Variants in SATL1 observed in about 807,000 individuals in gnomAD.
SATL1 encodes the protein spermidine/spermine N(1)-acetyltransferase-like protein 1.
In SATL1, 47 loss-of-function variants were observed where a neutral mutation model predicts 51.8. The observed-to-expected ratio is 0.91, with a 90% CI of 0.72 to 1.16. SATL1 has a LOEUF of 1.16. SATL1 is among the 50% of genes most tolerant of loss of function. SATL1 has a pLI of 0.00. For missense variants in SATL1, 520 were observed against 526.4 expected (o/e 0.99, Z 0.12); for synonymous variants, 176 against 182.4 (o/e 0.97, Z 0.28).
intron 2 of SATL1, among the ~76,000 whole-genome samples, chrX:85,109,806 C>T (rs750823638): frequency 8.1e-5 from 9 of 110,708 alleles, no homozygotes; most frequent in Admixed American, 7.7e-4. Context: ...GTCAGGAGTT[C>T]GAGACCAGCC....
chrX:85,164,850 G>A (rs948894779), intron 2 of SATL1, among the ~76,000 whole-genome samples: 4 of 108,383 alleles, frequency 3.7e-5, no homozygotes, highest in Non-Finnish European at 7.7e-5. Flanking sequence ...TCAGCCTCCC[G>A]AGTAGCTGGG....
intron 2 of SATL1, among the ~76,000 whole-genome samples, chrX:85,192,712 T>C (rs1025980752): frequency 4.5e-5 from 5 of 111,618 alleles, no homozygotes; most frequent in African/African-American, 1.6e-4. Context: ...ATTATAAAAA[T>C]ATGTCAATCC....
intron 2 of SATL1, among the ~76,000 whole-genome samples, chrX:85,167,102 G>A (rs1926857973): frequency 9.2e-6 from 1 of 108,580 alleles, no homozygotes; most frequent in Admixed American, 1.0e-4. Context: ...CAGCTACCTG[G>A]GTGGAGTTGG....
At chrX:85,152,891 A>G (rs1926491706) in intron 2 of SATL1, among the ~76,000 whole-genome samples, 1 of 110,592 alleles carries the variant, frequency 9.0e-6, no homozygotes, top group Non-Finnish European at 1.9e-5. Flanking sequence ...TGGGTGCAGC[A>G]CACCAGCATG....
At chrX:85,132,401 A>T (rs779216602) in intron 2 of SATL1, among the ~76,000 whole-genome samples, 1 of 110,065 alleles carries the variant, frequency 9.1e-6, no homozygotes, top group African/African-American at 3.3e-5. Context: ...CATTAATTTG[A>T]TCTTCAATCA....
intron 2 of SATL1, among the ~76,000 whole-genome samples, chrX:85,204,646 T>C (rs1191923460): frequency 9.0e-6 from 1 of 111,503 alleles, no homozygotes; most frequent in East Asian, 2.9e-4. Flanking sequence ...ATTGTTGGAG[T>C]AATCCTAGAG....
In SATL1 at chrX:85,119,871, A is replaced by G. The variant is rs139900284; in HGVS notation, c.-312-10591T>C. Among the ~76,000 whole-genome samples, 721 of 111,837 alleles carry G rather than the reference A, an allele frequency of 6.4e-3. 9 individuals are homozygous for G. The highest frequency in any genetic ancestry group is 0.023 in the African/African-American group (696 of 30,867). ...ATACTTAAAATATCTAGGTATTTTTATTTTAATAACCAAGAATAAAATGAA... is the reference window on the plus strand; with the variant it reads ...ATACTTAAAATATCTAGGTATTTTTGTTTTAATAACCAAGAATAAAATGAA... On this transcript the variant is annotated intron_variant, in intron 2 of 7. Coordinates refer to ENST00000644105, the MANE Select transcript of SATL1 (RefSeq NM_001367857.2).
At chrX:85,136,139 T>G (rs1208909583) in intron 2 of SATL1, among the ~76,000 whole-genome samples, 1 of 109,513 alleles carries the variant, frequency 9.1e-6, no homozygotes, top group African/African-American at 3.3e-5. Flanking sequence ...CATGAATAGT[T>G]GAGAGTGCAA....
intron 2 of SATL1, among the ~76,000 whole-genome samples, chrX:85,193,510 C>A (rs1333450575): frequency 1.8e-5 from 2 of 111,592 alleles, no homozygotes; most frequent in African/African-American, 6.5e-5. Context: ...ACAGTCCAGT[C>A]AAATACTTTT....
At chrX:85,099,586 G>A (rs1263246431) in intron 4 of SATL1, among the ~76,000 whole-genome samples, 1 of 111,387 alleles carries the variant, frequency 9.0e-6, no homozygotes, top group African/African-American at 3.3e-5. Context: ...ACGTAAGGGT[G>A]CACCAACATA....
intron 2 of SATL1, among the ~76,000 whole-genome samples, chrX:85,161,291 T>A (rs1926713421): frequency 9.1e-6 from 1 of 110,007 alleles, no homozygotes; most frequent in South Asian, 3.9e-4. Flanking sequence ...GATGACAGGA[T>A]CAAATCCACA....
intron 4 of SATL1, among the ~76,000 whole-genome samples, chrX:85,101,988 G>A: frequency 9.1e-6 from 1 of 110,083 alleles, no homozygotes; most frequent in African/African-American, 3.3e-5. Context: ...GAGATAGAAA[G>A]TAGAATAGTA....
chrX:85,243,176 TAA>T (rs1476374684), intron 1 of SATL1, among the ~76,000 whole-genome samples: 1 of 112,781 alleles, frequency 8.9e-6, no homozygotes, highest in Non-Finnish European at 1.9e-5. Context: ...TTTGCAAAGA[TAA>T]AGAGTTACTT....
At chrX:85,204,929 T>G (rs1413424359) in intron 2 of SATL1, among the ~76,000 whole-genome samples, 4 of 112,351 alleles carry the variant, frequency 3.6e-5, no homozygotes, top group Non-Finnish European at 5.6e-5. Context: ...CCAAATTGAT[T>G]AGTTTGAGTA....
In SATL1 at chrX:85,108,642, T is replaced by C. The variant is rs1461799214; in HGVS notation, c.327A>G (p.Pro109=). ...CTGATTGGCTTGGGCCTGGTTGCGA[T>C]GGGTCTGGTTGGCTTATGCCTGCTT... ...LSKAGISQPD[P]SQPGPSQSGP... is the part of the protein sequence containing the mutation. The change falls in exon 3 of 8, where the codon CCA becomes CCG. Residue 109 remains proline, a synonymous_variant. Coordinates refer to ENST00000644105, the MANE Select transcript of SATL1 (RefSeq NM_001367857.2). The C allele has an allele frequency of 8.3e-7, 1 of 1,199,449 alleles. No individual in the cohort carries two copies. Among genetic ancestry groups the C allele is most frequent in the African/African-American group, 1.8e-5 (1 of 56,893 alleles).
At chrX:85,136,421 T>C (rs1490772474) in intron 2 of SATL1, among the ~76,000 whole-genome samples, 1 of 111,708 alleles carries the variant, frequency 9.0e-6, no homozygotes, top group Non-Finnish European at 1.9e-5. Flanking sequence ...GTTTATGGAA[T>C]AAATGGAAGA....
intron 2 of SATL1, among the ~76,000 whole-genome samples, chrX:85,141,440 T>C (rs1926106232): frequency 8.9e-6 from 1 of 112,030 alleles, no homozygotes; most frequent in Admixed American, 9.5e-5. Context: ...GTATATTGGA[T>C]GTGTAAGCTG....
chrX:85,126,285 T>A (rs975584146), intron 2 of SATL1, among the ~76,000 whole-genome samples: 16 of 111,733 alleles, frequency 1.4e-4, no homozygotes, highest in Admixed American at 9.6e-5. Context: ...ACTTTGTCAG[T>A]CCTTCCTGTG....
chrX:85,146,501 T>A (rs1393659602), intron 2 of SATL1, among the ~76,000 whole-genome samples: 1 of 111,602 alleles, frequency 9.0e-6, no homozygotes, highest in Non-Finnish European at 1.9e-5. Context: ...TTTAAAAAAA[T>A]AAACTTTATC....
Sources: allele counts gnomAD v4.1 joint callset (sites outside exome capture counted in the v4.1 genomes callset), GRCh38; gene constraint gnomAD v4.1.1; transcripts MANE v1.5; gene names NCBI Gene and HGNC (gene_info 2026-07-23, HGNC 2026-07-21).